Variants in HMCN1 observed in about 807,000 individuals in gnomAD.
The protein encoded by HMCN1 is hemicentin 1.
A neutral mutation model predicts 625.9 loss-of-function variants in HMCN1; 321 were observed. The ratio of observed to expected loss-of-function variants is 0.51; its 90% CI spans 0.47 to 0.56. The LOEUF (loss-of-function observed/expected upper bound fraction) is 0.56. Among genes scored for constraint, HMCN1 ranks in the 20% least tolerant of loss-of-function variants. HMCN1 has a pLI of 0.00. For missense variants in HMCN1, 6,588 were observed against 6,887.3 expected, an observed-to-expected ratio of 0.96 and a Z score of 1.54; for synonymous variants, 2,425 against 2,417.6, an observed-to-expected ratio of 1.00 and a Z score of -0.09.
chr1:186,137,953 C>T lies in HMCN1; in HGVS notation c.13905C>T (p.Cys4635=). Residue 4635 remains cysteine (C), a synonymous_variant, in exon 89 of 107, where the codon TGC becomes TGT. Coordinates refer to ENST00000271588, the MANE Select transcript of HMCN1 (RefSeq NM_031935.3). ...CEGNAVEIIM[C]NIRPCPVHGA... ...GGAATGCTGTGGAAATAATTATGTGCAACATTAGGCCTTGCCCAGGTGAGA... is the reference window on the plus strand; with the variant it reads ...GGAATGCTGTGGAAATAATTATGTGTAACATTAGGCCTTGCCCAGGTGAGA... 6.2e-7 allele frequency: 1 copy of T among 1,613,942 alleles called. No homozygotes were observed. The highest frequency in any genetic ancestry group is 8.5e-7 in the Non-Finnish European group (1 of 1,179,910).
chr1:185,882,857 G>T (rs948649528), intron 4 of HMCN1, among the ~76,000 whole-genome samples: 10 of 152,014 alleles, frequency 6.6e-5, no homozygotes, highest in African/African-American at 2.4e-4. Flanking sequence ...ATTTATAGCT[G>T]GTGAGGGAGA....
chr1:186,045,726 G>T lies in HMCN1; in HGVS notation c.6343G>T (p.Val2115Phe). ...TATGGGAGAAGAACAGAATGTCTCT[G>T]TCCTCATTAGCCAAGCTGTGGAATT... The part of the protein sequence containing the change: ...NIMGEEQNVS[V>F]LISQAVELLC... The change falls in exon 41 of 107, where the codon GTC becomes TTC. Residue 2115 changes from valine to phenylalanine, a missense_variant. Val to Phe is a conservative substitution (Grantham distance 50). This residue lies in a region of HMCN1 where 4,628 missense variants were observed against 4,853.1 expected (regional missense o/e 0.95). Coordinates refer to ENST00000271588, the MANE Select transcript of HMCN1 (RefSeq NM_031935.3). 1 of 1,613,414 alleles carries T rather than the reference G, an allele frequency of 6.2e-7. No homozygotes were observed. The highest frequency in any genetic ancestry group is 1.1e-5 in the South Asian group (1 of 91,080).
intron 1 of HMCN1, among the ~76,000 whole-genome samples, chr1:185,745,675 G>A (rs1330532683): frequency 6.6e-6 from 1 of 152,174 alleles, no homozygotes; most frequent in African/African-American, 2.4e-5. Context: ...GCCAGTCCTT[G>A]GTCAATGATG....
At chr1:186,039,153 T>C in intron 38 of HMCN1, 148 bp downstream of exon 38, 1 of 701,156 alleles carries the variant, frequency 1.4e-6, no homozygotes, top group South Asian at 1.6e-5. Flanking sequence ...CTTATAAATG[T>C]GCTTATTCCT....
chr1:185,759,707 AC>A (rs1655364629), intron 1 of HMCN1, among the ~76,000 whole-genome samples: 1 of 150,744 alleles, frequency 6.6e-6, no homozygotes, highest in Non-Finnish European at 1.5e-5. Flanking sequence ...GGAATTCAAT[AC>A]TTTTTTTTTT....
chr1:186,079,096 TAGCAGCTCTCTCATC>T (rs55835797), intron 55 of HMCN1, among the ~76,000 whole-genome samples: 92,715 of 148,884 alleles, frequency 0.62, 30,710 homozygotes, highest in African/African-American at 0.87. Context: ...TAGTTGTGTT[TAGCAGCTCTCTCATC>T]AGCAGCTCTC....
intron 15 of HMCN1, 28 bp from the exon 16 acceptor site, chr1:185,977,759 C>G: frequency 6.9e-7 from 1 of 1,449,232 alleles, no homozygotes; most frequent in Non-Finnish European, 9.7e-7. Flanking sequence ...ATACCGATGA[C>G]TTATTTGTTG....
chr1:185,903,961 C>T (rs1195654556), intron 4 of HMCN1, among the ~76,000 whole-genome samples: 1 of 151,836 alleles, frequency 6.6e-6, no homozygotes, highest in Non-Finnish European at 1.5e-5. Context: ...GACTTGCTCC[C>T]AGGCTCTTTT....
In HMCN1 at chr1:186,003,967, G is replaced by A. The variant is rs1022100725; in HGVS notation, c.4475+123G>A. On this transcript the variant is annotated intron_variant, in intron 29 of 106. Coordinates refer to ENST00000271588, the MANE Select transcript of HMCN1 (RefSeq NM_031935.3). ...TAGAATATTATTAAATGAGCATACA[G>A]GAAAAACAATATTGCTCAAAAGCTA... 7.9e-5 allele frequency: 75 copies of A among 952,068 alleles called. 4 individuals carry two copies. The highest frequency in any genetic ancestry group is 9.3e-5 in the Non-Finnish European group (58 of 624,152). 59.0% of individuals were successfully genotyped at this position (952,068 alleles called of 1,614,324 possible).
At position 185,896,992 on chromosome 1, in the gene HMCN1, C is replaced by T. The variant is rs141250361; in HGVS notation, c.622-12345C>T. Reference sequence around the variant, plus strand: ...GTATTGATTTTTTAAGGTGATGCCTCTTGAACCAACTTTCCTTTTGTAATT... The same window carrying T: ...GTATTGATTTTTTAAGGTGATGCCTTTTGAACCAACTTTCCTTTTGTAATT... On this transcript the variant is annotated intron_variant, in intron 4 of 106. Coordinates refer to ENST00000271588, the MANE Select transcript of HMCN1 (RefSeq NM_031935.3). Among the ~76,000 whole-genome samples, 410 of 152,216 alleles carry T rather than the reference C, an allele frequency of 2.7e-3. 2 individuals carry two copies. The highest frequency in any genetic ancestry group is 9.4e-3 in the African/African-American group (390 of 41,538).
At chr1:186,076,070 C>A (rs904758898) in intron 53 of HMCN1, among the ~76,000 whole-genome samples, 1 of 152,026 alleles carries the variant, frequency 6.6e-6, no homozygotes, top group African/African-American at 2.4e-5. Context: ...TCAATTGAAC[C>A]AGTATTTTTT....
chr1:185,771,892 T>C (rs552255450), intron 1 of HMCN1, among the ~76,000 whole-genome samples: 1 of 152,332 alleles, frequency 6.6e-6, no homozygotes, highest in South Asian at 2.1e-4. Flanking sequence ...ATTAGTATTG[T>C]AGTTTTATAA....
Position 186,057,274 on chromosome 1 carries a change from T to C in HMCN1, c.7185T>C (p.Asn2395=), listed in dbSNP as rs781180478. The change falls in exon 46 of 107, where the codon AAT becomes AAC. Residue 2395 remains asparagine (N), a synonymous_variant. Coordinates refer to ENST00000271588, the MANE Select transcript of HMCN1 (RefSeq NM_031935.3). ...SIIGNHRSPE[N]ISVVEKNSVS... ...TAGGAAACCACAGGTCACCTGAAAA[T>C]ATTAGTGTGGTAGAAAAGAACTCAG... is the stretch of plus-strand genomic sequence containing the variant. The C allele has an allele frequency of 2.3e-5, 37 of 1,611,576 alleles. No individual in the cohort carries two copies. In the Admixed American group the frequency reaches 5.9e-4, roughly 25 times the overall value.
rs748125425 is a variant in HMCN1, at chr1:186,130,591, G to A, written c.13124G>A (p.Gly4375Glu). Residue 4375 changes from glycine to glutamate, a missense_variant, in exon 85 of 107, where the codon GGA becomes GAA. Physicochemically the swap from Gly to Glu is moderately conservative, Grantham distance 98. This residue lies in a region of HMCN1 where 1,954 missense variants were observed against 2,013.1 expected (regional missense o/e 0.97). Transcript: ENST00000271588. The stretch of plus-strand genomic sequence containing the variant: ...GCAATCCTGAATTGTGAGGTGAAAG[G>A]AGACCCCACCCCAACCATCCAGTGG... The part of the protein sequence containing the change: ...GNAILNCEVK[G>E]DPTPTIQWNR... 6.2e-7 allele frequency: 1 copy of A among 1,613,526 alleles called. No homozygotes were observed. Among genetic ancestry groups the A allele is most frequent in the South Asian group, 1.1e-5 (1 of 91,076 alleles).
chr1:185,957,544 G>A (rs1186459702), intron 11 of HMCN1, among the ~76,000 whole-genome samples: 1 of 152,140 alleles, frequency 6.6e-6, no homozygotes, highest in Admixed American at 6.6e-5. Flanking sequence ...GTTCCCTTAT[G>A]AGGAGGATTT....
chr1:185,926,024 C>T (rs1667258623), intron 9 of HMCN1, among the ~76,000 whole-genome samples: 1 of 152,158 alleles, frequency 6.6e-6, no homozygotes, highest in African/African-American at 2.4e-5. Flanking sequence ...ACCGACTTTT[C>T]CTTGTGAAGT....
intron 1 of HMCN1, among the ~76,000 whole-genome samples, chr1:185,837,857 C>T (rs996326013): frequency 2.0e-5 from 3 of 152,120 alleles, no homozygotes; most frequent in Non-Finnish European, 4.4e-5. Context: ...AGCCAGGAAA[C>T]AGGAAACAGG....
intron 1 of HMCN1, among the ~76,000 whole-genome samples, chr1:185,782,613 T>C (rs1657216966): frequency 6.6e-6 from 1 of 152,220 alleles, no homozygotes; most frequent in Non-Finnish European, 1.5e-5. Flanking sequence ...TGAAGCTTAG[T>C]TTGGCTGGAT....
intron 1 of HMCN1, among the ~76,000 whole-genome samples, chr1:185,811,402 C>T (rs920002289): frequency 5.3e-5 from 8 of 151,444 alleles, no homozygotes; most frequent in African/African-American, 1.7e-4. Context: ...CTAGCCTGGG[C>T]GATATAGTGA....
Sources: allele counts gnomAD v4.1 joint callset (sites outside exome capture counted in the v4.1 genomes callset), GRCh38; gene constraint gnomAD v4.1.1; regional missense constraint gnomAD v4.1.1; transcripts MANE v1.5; gene names NCBI Gene and HGNC (gene_info 2026-07-23, HGNC 2026-07-21).